OSBPL6: variants seen among roughly 807,000 people sequenced by gnomAD.
OSBPL6 encodes oxysterol-binding protein-related protein 6.
OSBPL6 carries 49 observed loss-of-function variants against 125.8 expected under a neutral mutation model. The ratio of observed to expected loss-of-function variants is 0.39; its 90% CI spans 0.31 to 0.49. The LOEUF is 0.49. Among genes scored for constraint, OSBPL6 ranks in the 20% least tolerant of loss-of-function variants. The pLI is 0.88. For synonymous variants in OSBPL6, 394 were observed against 391.8 expected (o/e 1.01, Z -0.07); for missense variants, 986 against 1,135.4 (o/e 0.87, Z 1.89).
intron 1 of OSBPL6, among the ~76,000 whole-genome samples, chr2:178,217,094 G>A (rs2090122642): frequency 6.6e-6 from 1 of 152,154 alleles, no homozygotes; most frequent in Non-Finnish European, 1.5e-5. Context: ...ATAAGAGAGT[G>A]CCTTTGTTTT....
At chr2:178,331,626 GTTTCAAAGGTTGA>G (rs1370952984) in intron 6 of OSBPL6, 21 bp downstream of exon 6, 72 of 1,612,884 alleles carry the variant, frequency 4.5e-5, no homozygotes, top group Non-Finnish European at 5.8e-5. Context: ...CACAGGACAT[GTTTCAAAGGTTGA>G]TTTCGAATTC....
rs1268324247 is a variant in OSBPL6, at chr2:178,395,867, T to G, written c.*308T>G. 4.8e-6 allele frequency: 2 copies of G among 412,724 alleles called. No individual in the cohort carries two copies. The highest frequency in any genetic ancestry group is 3.5e-5 in the Admixed American group (1 of 28,580). 25.6% of individuals were successfully genotyped at this position (412,724 alleles called of 1,614,324 possible). A position where few individuals can be genotyped will look rare whatever the true frequency, so the allele number is the denominator to read the frequency against. On this transcript the variant is annotated 3_prime_UTR_variant, in exon 25 of 25. Transcript: ENST00000190611. ...TAAAATCCAAAGTCTGACCAGTTTG[T>G]AAAGAAAAACAAATGGTAACTGGTG...
rs2088746883 is a variant in OSBPL6 at position 178,194,667 on chromosome 2, C to G, written c.-358C>G. ...GCAGAGTCCGCGGCGCCACCGCTCGCCCTCCAGGTAGGTGTCCTAGCTGCA... is the reference window on the plus strand; with the variant it reads ...GCAGAGTCCGCGGCGCCACCGCTCGGCCTCCAGGTAGGTGTCCTAGCTGCA... On this transcript the variant is annotated 5_prime_UTR_variant, in exon 1 of 25. Transcript: ENST00000190611. 1 of 152,424 alleles carries G rather than the reference C, an allele frequency of 6.6e-6. No homozygotes were observed. Among genetic ancestry groups the G allele is most frequent in the Admixed American group, 6.5e-5 (1 of 15,284 alleles). The allele number at this position is 152,424 out of a possible 1,614,324, so 9.4% of individuals were successfully genotyped here.
chr2:178,329,619 G>A (rs763435150), intron 5 of OSBPL6, among the ~76,000 whole-genome samples: 23 of 151,866 alleles, frequency 1.5e-4, no homozygotes, highest in Admixed American at 3.3e-4. Flanking sequence ...TAGAGATTGG[G>A]TTTCACCATA....
At chr2:178,353,615 A>C (rs190098770) in intron 12 of OSBPL6, among the ~76,000 whole-genome samples, 2 of 152,348 alleles carry the variant, frequency 1.3e-5, no homozygotes, top group East Asian at 3.9e-4. Context: ...CCAAATCTAC[A>C]TTTGATAGGT....
intron 1 of OSBPL6, among the ~76,000 whole-genome samples, chr2:178,250,512 G>A (rs994591860): frequency 2.6e-5 from 4 of 152,164 alleles, no homozygotes; most frequent in Admixed American, 6.5e-5. Context: ...CCCATTGTAC[G>A]TAGAAGGAAA....
chr2:178,276,901 C>G (rs1024874084), intron 1 of OSBPL6, among the ~76,000 whole-genome samples: 1 of 151,832 alleles, frequency 6.6e-6, no homozygotes, highest in African/African-American at 2.4e-5. Flanking sequence ...GCTGGATTCT[C>G]TGCTAGGCAG....
At chr2:178,380,004 T>C (rs1274289917) in intron 15 of OSBPL6, among the ~76,000 whole-genome samples, 1 of 152,362 alleles carries the variant, frequency 6.6e-6, no homozygotes, top group Admixed American at 6.5e-5. Context: ...CAGTTGTTTT[T>C]ATGTACAAAT....
intron 22 of OSBPL6, 23 bp from the exon 23 acceptor site, chr2:178,392,389 G>A: frequency 6.2e-7 from 1 of 1,613,072 alleles, no homozygotes; most frequent in Non-Finnish European, 8.5e-7. Flanking sequence ...GCCTCTCACA[G>A]TGGTTCATTG....
intron 19 of OSBPL6, among the ~76,000 whole-genome samples, chr2:178,386,291 A>G (rs1329034606): frequency 6.6e-6 from 1 of 152,190 alleles, no homozygotes; most frequent in East Asian, 1.9e-4. Flanking sequence ...AAGTTCCCAT[A>G]GTTCATCAAA....
At chr2:178,209,913 CT>C (rs753165352) in intron 1 of OSBPL6, among the ~76,000 whole-genome samples, 7 of 151,766 alleles carry the variant, frequency 4.6e-5, no homozygotes, top group South Asian at 2.1e-4. Context: ...GACATGGTGC[CT>C]TTTTTTCCCG....
chr2:178,393,268 T>G (rs1018929681), intron 23 of OSBPL6, among the ~76,000 whole-genome samples: 2 of 152,188 alleles, frequency 1.3e-5, no homozygotes, highest in Non-Finnish European at 2.9e-5. Flanking sequence ...CAGAAATGCT[T>G]TGAGTGCAAG....
intron 1 of OSBPL6, among the ~76,000 whole-genome samples, chr2:178,268,908 A>G (rs1003042792): frequency 1.3e-5 from 2 of 152,076 alleles, no homozygotes; most frequent in Non-Finnish European, 2.9e-5. Flanking sequence ...GTTGGCATCC[A>G]TCTTTGGACT....
intron 1 of OSBPL6, among the ~76,000 whole-genome samples, chr2:178,266,112 G>C (rs1327220946): frequency 6.6e-6 from 1 of 152,150 alleles, no homozygotes; most frequent in Non-Finnish European, 1.5e-5. Context: ...ATTTGCTTTA[G>C]GAATTAAGAG....
intron 4 of OSBPL6, among the ~76,000 whole-genome samples, chr2:178,325,314 A>C (rs575558591): frequency 6.6e-6 from 1 of 152,324 alleles, no homozygotes; most frequent in Non-Finnish European, 1.5e-5. Context: ...TTCTATATTA[A>C]ACATAATCCT....
intron 6 of OSBPL6, 33 bp from the exon 7 acceptor site, chr2:178,332,608 C>T: frequency 6.9e-7 from 1 of 1,457,602 alleles, no homozygotes; most frequent in Non-Finnish European, 9.6e-7. Flanking sequence ...ATCATATATC[C>T]TTTCAGCCTA....
intron 1 of OSBPL6, among the ~76,000 whole-genome samples, chr2:178,220,769 G>A (rs1474722186): frequency 6.6e-6 from 1 of 152,220 alleles, no homozygotes; most frequent in Non-Finnish European, 1.5e-5. Context: ...CAGATGAGTT[G>A]TCTATGCAGC....
chr2:178,344,299 C>T lies in OSBPL6; in HGVS notation c.987+4535C>T, dbSNP rs537068996. ...ATTCACCGTCAGGAAGGGCCACCCG[C>T]GAAGGGCCAGTTCAGCACAACTCGG... On this transcript the variant is annotated intron_variant, in intron 11 of 24. Transcript: ENST00000190611. 9.9e-5 allele frequency: 160 copies of T among 1,614,080 alleles called. No homozygotes were observed. Among genetic ancestry groups the T allele is most frequent in the Middle Eastern group, 8.2e-4 (5 of 6,062 alleles).
chr2:178,282,170 G>A (rs1684258849), intron 1 of OSBPL6, among the ~76,000 whole-genome samples: 1 of 152,196 alleles, frequency 6.6e-6, no homozygotes, highest in South Asian at 2.1e-4. Flanking sequence ...GGATTTTGAA[G>A]GCTGTATTGG....
Sources: gnomAD v4.1 joint callset for allele counts (sites outside exome capture counted in the v4.1 genomes callset) on GRCh38, gnomAD v4.1.1 for gene constraint, MANE v1.5 for transcripts, NCBI Gene and HGNC (gene_info 2026-07-23, HGNC 2026-07-21) for gene names.